Variants in ZSCAN5B observed in about 807,000 individuals in gnomAD.
ZSCAN5B encodes the protein zinc finger and SCAN domain containing 5B.
In ZSCAN5B, 26 loss-of-function variants were observed where a neutral mutation model predicts 25.2. The ratio of observed to expected loss-of-function variants is 1.03; its 90% confidence interval spans 0.76 to 1.43. The LOEUF is 1.43. Among genes scored for constraint, ZSCAN5B ranks in the 40% most tolerant of loss-of-function variants. The pLI is 0.00. For missense variants in ZSCAN5B, 745 were observed against 622.1 expected, an observed-to-expected ratio of 1.20 and a Z score of -2.10; for synonymous variants, 244 against 240.9, an observed-to-expected ratio of 1.01 and a Z score of -0.12.
exon 5 of ZSCAN5B, chr19:56,190,266 T>C (rs2032710018): frequency 6.2e-7 from 1 of 1,614,224 alleles, no homozygotes; most frequent in Non-Finnish European, 8.5e-7. Context: ...CGGCAGGGCC[T>C]TGGCTTCTTG....
chr19:56,194,905 A>G (rs1460583022), intron 1 of ZSCAN5B, among the ~76,000 whole-genome samples: 1 of 151,756 alleles, frequency 6.6e-6, no homozygotes, highest in Non-Finnish European at 1.5e-5. Context: ...GCACAGCCCA[A>G]TTTTTTTTTC....
At position 56,192,051 on chromosome 19, in the gene ZSCAN5B, A is replaced by G. The variant is rs754884972; in HGVS notation, c.387T>C (p.Ser129=). ...ATTCTTTGCCGAGCAAGTTGACTAT[A>G]GACTGTAGAGAGAAAAAAGACAATC... is the stretch of plus-strand genomic sequence containing the variant. The change falls in exon 3 of 5, where the codon TCT becomes TCC. Residue 129 remains serine, a splice_region_variant and synonymous_variant. Transcript: ENST00000586855. 15 of 1,609,556 alleles carry G rather than the reference A, an allele frequency of 9.3e-6. No homozygotes were observed. In the South Asian group the frequency reaches 1.2e-4, roughly 13 times the overall value.
At chr19:56,194,909 T>C (rs1044210174) in intron 1 of ZSCAN5B, among the ~76,000 whole-genome samples, 1 of 152,104 alleles carries the variant, frequency 6.6e-6, no homozygotes, top group Non-Finnish European at 1.5e-5. Context: ...AGCCCAATTT[T>C]TTTTTCTTTT....
chr19:56,197,661 A>C (rs1182571519), intron 1 of ZSCAN5B, 73 bp downstream of exon 1: 34 of 864,036 alleles, frequency 3.9e-5, no homozygotes, highest in Non-Finnish European at 4.4e-5. Flanking sequence ...GAGAAAATAA[A>C]CCCAAACTTT....
At chr19:56,197,650 T>G (rs1369263641) in intron 1 of ZSCAN5B, 84 bp downstream of exon 1, 7 of 696,970 alleles carry the variant, frequency 1.0e-5, no homozygotes, top group Non-Finnish European at 1.2e-5. Context: ...AATAAATGCA[T>G]GAGAAAATAA....
intron 1 of ZSCAN5B, among the ~76,000 whole-genome samples, chr19:56,194,657 G>T (rs7246779): frequency 0.02 from 3,025 of 152,100 alleles, 42 homozygotes; most frequent in Middle Eastern, 0.044. Flanking sequence ...TCGCACTGTT[G>T]CCCAGGCTGG....
At chr19:56,193,002 G>T (rs758761780) in exon 2 of ZSCAN5B, 13 of 1,601,718 alleles carry the variant, frequency 8.1e-6, no homozygotes, top group African/African-American at 1.3e-5. Context: ...CTGACCCAGG[G>T]CTGTTGCAGG....
exon 5 of ZSCAN5B, chr19:56,190,298 G>C (rs769546975): frequency 3.1e-6 from 5 of 1,614,202 alleles, no homozygotes; most frequent in Non-Finnish European, 4.2e-6. Context: ...GACTGACCGG[G>C]CCCGCAGGGC....
intron 3 of ZSCAN5B, 32 bp from the exon 4 acceptor site, chr19:56,191,019 C>G: frequency 6.2e-7 from 1 of 1,613,718 alleles, no homozygotes; most frequent in Non-Finnish European, 8.5e-7. Flanking sequence ...CAATGACTGC[C>G]GTGTCTATAC....
At chr19:56,192,485 T>C (rs1001385753) in intron 2 of ZSCAN5B, among the ~76,000 whole-genome samples, 184 bp downstream of exon 2, 6 of 152,222 alleles carry the variant, frequency 3.9e-5, no homozygotes, top group African/African-American at 1.4e-4. Context: ...AGGCCTAATA[T>C]TTTACCAATG....
chr19:56,190,173 C>G (rs2032707471), exon 5 of ZSCAN5B: 2 of 1,614,036 alleles, frequency 1.2e-6, no homozygotes, highest in South Asian at 2.2e-5. Context: ...TTGAAAGGGT[C>G]TGTCTCCTGT....
chr19:56,196,805 C>T (rs1279520750), intron 1 of ZSCAN5B, among the ~76,000 whole-genome samples: 2 of 152,046 alleles, frequency 1.3e-5, no homozygotes, highest in African/African-American at 4.8e-5. Flanking sequence ...TTTTTAAAAG[C>T]ATACAGATAT....
chr19:56,190,285 G>GGTGA lies in ZSCAN5B; in HGVS notation c.1026_1029dup (p.Pro344SerfsTer16), dbSNP rs1211276623. The GGTGA allele has an allele frequency of 1.2e-6, 2 of 1,614,198 alleles. No homozygotes were observed. Among genetic ancestry groups the GGTGA allele is most frequent in the Non-Finnish European group, 1.7e-6 (2 of 1,180,036 alleles). On this transcript the variant is annotated frameshift_variant, in exon 5 of 5. Transcript: ENST00000586855. LOFTEE classifies it low-confidence loss of function (END_TRUNC). The stretch of plus-strand genomic sequence containing the variant: ...AGGGCCTTGGCTTCTTGGCCATCTG[G>GGTGA]GTGACTGACCGGGCCCGCAGGGCCT...
In ZSCAN5B at chr19:56,190,590, G is replaced by T. The variant is rs979653719; in HGVS notation, c.740-15C>A. On this transcript the variant is annotated splice_polypyrimidine_tract_variant and intron_variant, in intron 4 of 4. Coordinates refer to ENST00000586855, the Ensembl canonical transcript of ZSCAN5B. ...TCTCACCAGATCTGGTGGAAGAAGG[G>T]ATTCCACACACAACAGTTAACAAAG... 1 of 1,607,438 alleles carries T rather than the reference G, an allele frequency of 6.2e-7. No homozygotes were observed.
At chr19:56,194,246 A>G (rs1568586203) in intron 1 of ZSCAN5B, among the ~76,000 whole-genome samples, 1 of 151,540 alleles carries the variant, frequency 6.6e-6, no homozygotes, top group Non-Finnish European at 1.5e-5. Flanking sequence ...CATAAAATGG[A>G]TTAAAGTCTT....
rs1246534676 is a variant in ZSCAN5B at position 56,190,269 on chromosome 19, G to A, written c.1046C>T (p.Ala349Val). 8.1e-6 allele frequency: 13 copies of A among 1,614,092 alleles called. No homozygotes were observed. The African/African-American group carries it at 1.2e-4, about 15-fold the overall frequency. The change falls in exon 5 of 5, where the codon GCC (alanine) becomes GTC (valine). Residue 349 changes from alanine (A) to valine (V), a missense_variant. Physicochemically the swap from Ala to Val is moderately conservative, Grantham distance 64 (BLOSUM62 0). Transcript: ENST00000586855. ...ACATGCAAAGGGCGGCAGGGCCTTG[G>A]CTTCTTGGCCATCTGGGTGACTGAC...
At chr19:56,195,269 T>C (rs1364677402) in intron 1 of ZSCAN5B, among the ~76,000 whole-genome samples, 1 of 151,864 alleles carries the variant, frequency 6.6e-6, no homozygotes, top group Non-Finnish European at 1.5e-5. Flanking sequence ...GTGCAAAACA[T>C]AAGCAACTCA....
chr19:56,190,088 C>T (rs1421897513), exon 5 of ZSCAN5B: 11 of 1,614,034 alleles, frequency 6.8e-6, no homozygotes, highest in African/African-American at 1.3e-5. Context: ...ACATGTAGGG[C>T]CTCTCGCCAG....
exon 5 of ZSCAN5B, chr19:56,189,994 A>T (rs1167931140): frequency 6.2e-7 from 1 of 1,613,834 alleles, no homozygotes; most frequent in Non-Finnish European, 8.5e-7. Context: ...CAGTATTTAC[A>T]TTTAAACGGC....
Sources: allele counts gnomAD v4.1 joint callset (sites outside exome capture counted in the v4.1 genomes callset), GRCh38; gene constraint gnomAD v4.1.1; transcripts MANE v1.5; gene names NCBI Gene and HGNC (gene_info 2026-07-23, HGNC 2026-07-21).